UBE2U: variants seen among roughly 807,000 people sequenced by gnomAD.
UBE2U encodes ubiquitin conjugating enzyme E2 U.
In UBE2U, 39 loss-of-function variants were observed where a neutral mutation model predicts 41.2. The ratio of observed to expected loss-of-function variants is 0.95; its 90% confidence interval spans 0.73 to 1.24. The LOEUF is 1.24. Among genes scored for constraint, UBE2U ranks in the 50% most tolerant of loss-of-function variants. The pLI is 0.00. For synonymous variants in UBE2U, 107 were observed against 117.8 expected (o/e 0.91, Z 0.60); for missense variants, 336 against 363.1 (o/e 0.93, Z 0.61).
rs914356374 is a variant in UBE2U, at chr1:64,241,571, G to A, written c.596-81G>A. On this transcript the variant is annotated intron_variant, in intron 7 of 9. Transcript: ENST00000371077. ...TTGCCACATATCAAGTTAATGAGAA[G>A]TGAATGATTTTTAACTTTTAACTAT... 9 of 966,032 alleles carry A rather than the reference G, an allele frequency of 9.3e-6. No individual in the cohort carries two copies. The African/African-American group carries it at 1.2e-4, about 13-fold the overall frequency. The allele number at this position is 966,032 out of a possible 1,614,324, so 59.8% of individuals were successfully genotyped here. A position where few individuals can be genotyped will look rare whatever the true frequency, so the allele number is the denominator to read the frequency against.
intron 8 of UBE2U, among the ~76,000 whole-genome samples, chr1:64,260,305 T>C (rs1281084279): frequency 6.6e-6 from 1 of 152,208 alleles, no homozygotes; most frequent in Admixed American, 6.5e-5. Context: ...AGGAAACTAA[T>C]ATACCTTGCT....
At chr1:64,230,392 C>T (rs1022983708) in intron 6 of UBE2U, among the ~76,000 whole-genome samples, 21 of 152,302 alleles carry the variant, frequency 1.4e-4, no homozygotes, top group African/African-American at 5.1e-4. Flanking sequence ...CAACTTTAAA[C>T]CGTTCTCTGC....
intron 7 of UBE2U, among the ~76,000 whole-genome samples, chr1:64,239,157 A>AGGAAGAAGAAGAAGAAG (rs756975010): frequency 2.7e-5 from 1 of 37,064 alleles, no homozygotes; most frequent in East Asian, 1.0e-3. Flanking sequence ...GAAGAAGAAG[A>AGGAAGAAGAAGAAGAAG]AAGAAGAAGA....
At chr1:64,209,673 ACCCCCG>A (rs1651544331) in intron 3 of UBE2U, among the ~76,000 whole-genome samples, 2 of 150,068 alleles carry the variant, frequency 1.3e-5, no homozygotes, top group South Asian at 4.3e-4. Context: ...CTAGCTTTCA[ACCCCCG>A]CCCCCGCCCG....
rs1482491968 is a variant in UBE2U at position 64,239,107 on chromosome 1, A to G, written c.596-2545A>G. On this transcript the variant is annotated intron_variant, in intron 7 of 9. Transcript: ENST00000371077. ...AAGAGGAAGAGGAAGAAGAAGAAGA[A>G]GAAGAAGAAGAAGAAGAAGAAGAAG... is the stretch of plus-strand genomic sequence containing the variant. Among the ~76,000 whole-genome samples the G allele has an allele frequency of 1.1e-3, 12 of 11,018 alleles. No individual in the cohort carries two copies. In the East Asian group the frequency reaches 0.045, roughly 42 times the overall value. 7.2% of individuals were successfully genotyped at this position (11,018 alleles called of 152,430 possible). A position where few individuals can be genotyped will look rare whatever the true frequency, so the allele number is the denominator to read the frequency against.
At chr1:64,241,783 T>C in intron 8 of UBE2U, 50 bp downstream of exon 8, 1 of 1,399,878 alleles carries the variant, frequency 7.1e-7, no homozygotes, top group Non-Finnish European at 9.9e-7. Context: ...GAATTGTCTA[T>C]TATTCCACTT....
intron 7 of UBE2U, among the ~76,000 whole-genome samples, chr1:64,239,123 G>GAA (rs1278254167): frequency 5.7e-4 from 14 of 24,648 alleles, no homozygotes; most frequent in African/African-American, 1.9e-3. Context: ...AGAAGAAGAA[G>GAA]AAGAAGAAGA....
At chr1:64,245,639 A>G (rs901144031) in intron 8 of UBE2U, among the ~76,000 whole-genome samples, 3 of 152,148 alleles carry the variant, frequency 2.0e-5, no homozygotes, top group African/African-American at 7.2e-5. Flanking sequence ...CATGTTGGCC[A>G]TCCTGTGGAG....
In UBE2U at chr1:64,206,301, G is replaced by A. The variant is rs368442506; in HGVS notation, c.149-463G>A. 2.6e-4 allele frequency among the ~76,000 whole-genome samples: 40 copies of A among 152,176 alleles called. 5 individuals are homozygous for A. In the South Asian group the frequency reaches 4.6e-3, roughly 17 times the overall value. On this transcript the variant is annotated intron_variant, in intron 2 of 9. Coordinates refer to ENST00000371077, the MANE Select transcript of UBE2U (RefSeq NM_001366232.2). ...TATGGATTTTGAACAGAATGCTAAAGAGGAAGAGGATTAGTTAATTATGCC... is the reference window on the plus strand; with the variant it reads ...TATGGATTTTGAACAGAATGCTAAAAAGGAAGAGGATTAGTTAATTATGCC...
rs1651150003 is a variant in UBE2U, at chr1:64,204,237, T to C, written c.66+121T>C. On this transcript the variant is annotated intron_variant, in intron 1 of 9. Transcript: ENST00000371077. ...AACCTGATTTGCCACTACAGTATTG[T>C]TATTTAATAAATCCATTTCACTGAA... 3 of 732,922 alleles carry C rather than the reference T, an allele frequency of 4.1e-6. No homozygotes were observed. The East Asian group carries it at 8.5e-5, about 21-fold the overall frequency. The allele number at this position is 732,922 out of a possible 1,614,324, so 45.4% of individuals were successfully genotyped here.
At chr1:64,256,355 C>A (rs1463840014) in intron 8 of UBE2U, among the ~76,000 whole-genome samples, 1 of 152,080 alleles carries the variant, frequency 6.6e-6, no homozygotes, top group Non-Finnish European at 1.5e-5. Flanking sequence ...ATCATGCTAC[C>A]CAACTTCAAA....
At chr1:64,266,333 G>C (rs1570172437) in intron 9 of UBE2U, among the ~76,000 whole-genome samples, 2 of 152,280 alleles carry the variant, frequency 1.3e-5, no homozygotes, top group South Asian at 4.1e-4. Flanking sequence ...GAAACTTTCT[G>C]TATACTATAA....
At chr1:64,261,632 C>G (rs1645181823) in intron 9 of UBE2U, among the ~76,000 whole-genome samples, 1 of 152,196 alleles carries the variant, frequency 6.6e-6, no homozygotes, top group African/African-American at 2.4e-5. Context: ...TCTGTATTAT[C>G]AGCCTCAGCC....
chr1:64,245,455 G>A (rs905950434), intron 8 of UBE2U, among the ~76,000 whole-genome samples: 2 of 152,132 alleles, frequency 1.3e-5, no homozygotes, highest in African/African-American at 2.4e-5. Flanking sequence ...CTAAGCTTTG[G>A]CAGCTAGCAA....
At chr1:64,239,367 G>GT (rs934259716) in intron 7 of UBE2U, among the ~76,000 whole-genome samples, 13 of 151,664 alleles carry the variant, frequency 8.6e-5, no homozygotes, top group Admixed American at 6.6e-5. Context: ...ACATAGTAGG[G>GT]TTTTTTTTAA....
chr1:64,213,518 A>T (rs1651785840), intron 4 of UBE2U, among the ~76,000 whole-genome samples: 1 of 152,172 alleles, frequency 6.6e-6, no homozygotes, highest in Non-Finnish European at 1.5e-5. Context: ...TTTCTGTTAG[A>T]ACACTAATAC....
chr1:64,250,893 TC>T (rs1023124923), intron 8 of UBE2U, among the ~76,000 whole-genome samples: 2 of 127,708 alleles, frequency 1.6e-5, no homozygotes, highest in African/African-American at 6.0e-5. Flanking sequence ...AAGGGGAACA[TC>T]ACACACCAAG....
At chr1:64,228,855 A>ATTTTTT (rs56873849) in intron 6 of UBE2U, among the ~76,000 whole-genome samples, 2 of 93,896 alleles carry the variant, frequency 2.1e-5, no homozygotes, top group African/African-American at 4.7e-5. Flanking sequence ...TGCCCAGGTA[A>ATTTTTT]TTTTTTTTTT....
At chr1:64,233,911 T>A (rs4915953) in intron 7 of UBE2U, among the ~76,000 whole-genome samples, 2 of 152,282 alleles carry the variant, frequency 1.3e-5, no homozygotes, top group Middle Eastern at 3.4e-3. Context: ...CTCTTCTTAC[T>A]TGCACTCCCA....
Sources: gnomAD v4.1 joint callset for allele counts (sites outside exome capture counted in the v4.1 genomes callset) on GRCh38, gnomAD v4.1.1 for gene constraint, MANE v1.5 for transcripts, NCBI Gene and HGNC (gene_info 2026-07-23, HGNC 2026-07-21) for gene names.